SAMD4A: variants seen among roughly 807,000 people sequenced by gnomAD.
The protein encoded by SAMD4A is protein Smaug homolog 1.
SAMD4A carries 33 observed loss-of-function variants against 81.3 expected under a neutral mutation model. That is an observed-to-expected ratio of 0.41 (90% CI 0.31 to 0.54). The LOEUF is 0.54. Ranked by LOEUF, SAMD4A falls within the 20% of genes least tolerant of loss-of-function variation. The probability of loss-of-function intolerance (pLI) is 0.37; values close to 1 mark genes in which losing one functional copy is unlikely to be tolerated. For synonymous variants in SAMD4A, 389 were observed against 382.1 expected (o/e 1.02, Z -0.21); for missense variants, 854 against 951.1 (o/e 0.90, Z 1.34).
At chr14:54,576,027 T>C (rs866708898) in intron 2 of SAMD4A, among the ~76,000 whole-genome samples, 2 of 92,954 alleles carry the variant, frequency 2.2e-5, no homozygotes, top group African/African-American at 8.2e-5. Context: ...TTTTTTTTTT[T>C]TTTTTTTTTT....
intron 2 of SAMD4A, among the ~76,000 whole-genome samples, chr14:54,627,017 TC>T (rs2034779898): frequency 1.3e-5 from 2 of 152,264 alleles, no homozygotes; most frequent in South Asian, 4.1e-4. Flanking sequence ...ATCTTATTTC[TC>T]TGACCTGTTC....
intron 3 of SAMD4A, among the ~76,000 whole-genome samples, chr14:54,725,139 C>T (rs1202851092): frequency 1.3e-5 from 2 of 152,200 alleles, no homozygotes; most frequent in African/African-American, 4.8e-5. Flanking sequence ...CAATGTTACC[C>T]AGACACGTAA....
intron 2 of SAMD4A, among the ~76,000 whole-genome samples, chr14:54,597,491 T>C (rs143379984): frequency 0.015 from 2,297 of 151,960 alleles, 66 homozygotes; most frequent in African/African-American, 0.052. Flanking sequence ...GTCAGGCTGG[T>C]CTTGAACTCC....
intron 2 of SAMD4A, among the ~76,000 whole-genome samples, chr14:54,627,345 G>T (rs936986210): frequency 6.6e-6 from 1 of 152,128 alleles, no homozygotes; most frequent in Non-Finnish European, 1.5e-5. Context: ...TTTCAAAGAC[G>T]CAGCTTGTCC....
intron 2 of SAMD4A, among the ~76,000 whole-genome samples, chr14:54,569,850 T>G (rs1182708884): frequency 1.3e-5 from 2 of 152,192 alleles, no homozygotes; most frequent in African/African-American, 4.8e-5. Flanking sequence ...ACTTTTTCCC[T>G]TTGAGTAATG....
intron 2 of SAMD4A, among the ~76,000 whole-genome samples, chr14:54,682,790 A>G (rs1163370824): frequency 6.6e-6 from 1 of 152,228 alleles, no homozygotes; most frequent in Non-Finnish European, 1.5e-5. Context: ...TACACTATCA[A>G]CATAGGCCAG....
chr14:54,675,367 C>CAAA lies in SAMD4A; in HGVS notation c.197-26677_197-26675dup, dbSNP rs59110762. 3.8e-3 allele frequency among the ~76,000 whole-genome samples: 288 copies of CAAA among 75,358 alleles called. 3 individuals carry two copies. The highest frequency in any genetic ancestry group is 0.024 in the Middle Eastern group (2 of 82). 49.4% of individuals were successfully genotyped at this position (75,358 alleles called of 152,430 possible). A position where few individuals can be genotyped will look rare whatever the true frequency, so the allele number is the denominator to read the frequency against. ...GGCAACAAGAGTGAAACTCCGTCTC[C>CAAA]AAAAAAAAAAAAAAAAAAAAGGCAG... On this transcript the variant is annotated intron_variant, in intron 2 of 12. Transcript: ENST00000554335.
At chr14:54,751,319 A>C in intron 5 of SAMD4A, 132 bp from the exon 6 acceptor site, 1 of 617,170 alleles carries the variant, frequency 1.6e-6, no homozygotes, top group Non-Finnish European at 2.9e-6. Context: ...TGCAAGAGAT[A>C]AGTGGATATT....
At chr14:54,759,483 C>T (rs10150019) in intron 6 of SAMD4A, among the ~76,000 whole-genome samples, 34,165 of 152,142 alleles carry the variant, frequency 0.22, 3,926 homozygotes, top group African/African-American at 0.26. Context: ...AGCTTCCCCT[C>T]ATAGCAGCCC....
At chr14:54,649,040 G>A in intron 2 of SAMD4A, among the ~76,000 whole-genome samples, 1 of 152,156 alleles carries the variant, frequency 6.6e-6, no homozygotes, top group South Asian at 2.1e-4. Context: ...AGTTGAGGAT[G>A]ATTCCAAAGT....
chr14:54,665,708 T>C (rs185116279), intron 2 of SAMD4A, among the ~76,000 whole-genome samples: 110 of 152,310 alleles, frequency 7.2e-4, no homozygotes, highest in Admixed American at 1.4e-3. Context: ...TAATTCCTGA[T>C]TGATAGTCAT....
chr14:54,715,855 A>G (rs868083580), intron 3 of SAMD4A, among the ~76,000 whole-genome samples: 5 of 152,284 alleles, frequency 3.3e-5, no homozygotes, highest in Non-Finnish European at 7.4e-5. Flanking sequence ...TCTCTGCCAT[A>G]TAGAAAGAAA....
chr14:54,776,511 C>T lies in SAMD4A; in HGVS notation c.2015C>T (p.Pro672Leu). 6.3e-7 allele frequency: 1 copy of T among 1,587,106 alleles called. No individual in the cohort carries two copies. Among genetic ancestry groups the T allele is most frequent in the Non-Finnish European group, 8.6e-7 (1 of 1,167,810 alleles). ...RTRSLPVHTS[P>L]QNMLMFQQPE... ...CGCTCGCTGCCCGTGCACACTTCCC[C>T]ACAGAACATGCTGATGTTCCAGCAG... is the stretch of plus-strand genomic sequence containing the variant. The change falls in exon 11 of 13, where the codon CCA becomes CTA. Residue 672 changes from proline (P) to leucine (L), a missense_variant. Physicochemically the swap from Pro to Leu is moderately conservative, Grantham distance 98. Coordinates refer to ENST00000554335, the MANE Select transcript of SAMD4A (RefSeq NM_015589.6).
intron 11 of SAMD4A, among the ~76,000 whole-genome samples, chr14:54,777,651 C>A (rs1472729049): frequency 6.6e-6 from 1 of 150,980 alleles, no homozygotes; most frequent in East Asian, 2.0e-4. Context: ...AGAAGTCAGG[C>A]AGGAGGGTGC....
chr14:54,641,140 C>T (rs765591229), intron 2 of SAMD4A, among the ~76,000 whole-genome samples: 1 of 152,204 alleles, frequency 6.6e-6, no homozygotes, highest in African/African-American at 2.4e-5. Flanking sequence ...ACTCTCTAGG[C>T]TTTAACTTGT....
intron 2 of SAMD4A, among the ~76,000 whole-genome samples, chr14:54,672,094 A>C (rs2035896905): frequency 1.4e-5 from 2 of 142,616 alleles, no homozygotes; most frequent in Admixed American, 1.4e-4. Context: ...TTTTAATTTA[A>C]ATTTATTTTT....
intron 2 of SAMD4A, among the ~76,000 whole-genome samples, chr14:54,609,368 G>A (rs114294738): frequency 1.4e-3 from 207 of 152,332 alleles, no homozygotes; most frequent in African/African-American, 4.7e-3. Context: ...AGAGCCTCCC[G>A]AAGATGTGAA....
chr14:54,747,140 G>A (rs948033688), intron 4 of SAMD4A, among the ~76,000 whole-genome samples: 2 of 152,154 alleles, frequency 1.3e-5, no homozygotes, highest in Non-Finnish European at 2.9e-5. Context: ...GTCTGTTTGT[G>A]GTTAATAATG....
intron 3 of SAMD4A, among the ~76,000 whole-genome samples, chr14:54,704,082 C>A (rs1459123650): frequency 1.3e-5 from 2 of 152,052 alleles, no homozygotes; most frequent in East Asian, 3.9e-4. Context: ...TTTTTAAATT[C>A]TTTTTTCTGC....
Sources: gnomAD v4.1 joint callset for allele counts (sites outside exome capture counted in the v4.1 genomes callset) on GRCh38, gnomAD v4.1.1 for gene constraint, MANE v1.5 for transcripts, NCBI Gene and HGNC (gene_info 2026-07-23, HGNC 2026-07-21) for gene names.